Variants in PLEKHG1 observed in about 807,000 individuals in gnomAD.
The protein encoded by PLEKHG1 is pleckstrin homology and RhoGEF domain containing G1.
A neutral mutation model predicts 100.8 loss-of-function variants in PLEKHG1; 44 were observed. The ratio of observed to expected loss-of-function variants is 0.44; its 90% CI spans 0.34 to 0.56. PLEKHG1 has a LOEUF of 0.56. Among genes scored for constraint, PLEKHG1 ranks in the 20% least tolerant of loss-of-function variants. The pLI, the probability that PLEKHG1 is intolerant of heterozygous loss-of-function variation, is 0.01. For synonymous variants in PLEKHG1, 640 were observed against 662.5 expected (o/e 0.97, Z 0.52); for missense variants, 1,545 against 1,720.9 (o/e 0.90, Z 1.81).
intron 3 of PLEKHG1, among the ~76,000 whole-genome samples, chr6:150,668,954 G>A (rs1357295669): frequency 6.6e-6 from 1 of 152,124 alleles, no homozygotes; most frequent in Non-Finnish European, 1.5e-5. Flanking sequence ...GTATCTGGCC[G>A]TCATCTTTGC....
chr6:150,770,536 C>T (rs188507728), intron 3 of PLEKHG1, among the ~76,000 whole-genome samples: 2 of 152,194 alleles, frequency 1.3e-5, no homozygotes, highest in East Asian at 1.9e-4. Context: ...AATTCTGACT[C>T]GTTGGTCGAG....
At position 150,603,006 on chromosome 6, in the gene PLEKHG1, C is replaced by T. The variant is rs192646096; in HGVS notation, c.-204+2989C>T. Among the ~76,000 whole-genome samples the T allele has an allele frequency of 9.8e-3, 1,294 of 132,086 alleles. 18 individuals carry two copies. The highest frequency in any genetic ancestry group is 0.034 in the African/African-American group (1,234 of 36,392). The allele number at this position is 132,086 out of a possible 152,430, so 86.7% of individuals were successfully genotyped here. A position where few individuals can be genotyped will look rare whatever the true frequency, so the allele number is the denominator to read the frequency against. ...TGAGGCAGGAGAATGGCGTGAACCC[C>T]GGGGGGCGGAGCCTGCAGTGAGCCG... is the stretch of plus-strand genomic sequence containing the variant. On this transcript the variant is annotated intron_variant, in intron 1 of 3. Transcript: ENST00000367326.
At chr6:150,776,096 A>C (rs1784945358) in intron 3 of PLEKHG1, among the ~76,000 whole-genome samples, 1 of 152,252 alleles carries the variant, frequency 6.6e-6, no homozygotes, top group African/African-American at 2.4e-5. Flanking sequence ...CAAAGTTCGC[A>C]TCAGGGGTCA....
chr6:150,726,804 T>C lies in PLEKHG1; in HGVS notation c.-99+5604T>C, dbSNP rs193108446. ...GCCCTACCATTAAACAGGAATCAAG[T>C]TGATAGTTTAGAAAACCAAGAAGTG... On this transcript the variant is annotated intron_variant, in intron 1 of 15. Transcript: ENST00000358517. Among the ~76,000 whole-genome samples the C allele has an allele frequency of 1.1e-3, 172 of 152,324 alleles. 2 individuals are homozygous for C. The highest frequency in any genetic ancestry group is 4.2e-3 in the Admixed American group (65 of 15,302).
intron 2 of PLEKHG1, among the ~76,000 whole-genome samples, chr6:150,756,154 G>A (rs1411089391): frequency 2.7e-5 from 4 of 150,740 alleles, no homozygotes; most frequent in Non-Finnish European, 5.9e-5. Flanking sequence ...TATGACAGAA[G>A]GACATCTTCG....
At chr6:150,606,946 T>A (rs1196097086) in intron 1 of PLEKHG1, among the ~76,000 whole-genome samples, 2 of 152,058 alleles carry the variant, frequency 1.3e-5, no homozygotes, top group Admixed American at 6.6e-5. Flanking sequence ...TCCTGCACCC[T>A]GTCTGACAGG....
chr6:150,661,061 C>T (rs954050477), intron 3 of PLEKHG1, among the ~76,000 whole-genome samples: 1 of 152,046 alleles, frequency 6.6e-6, no homozygotes, highest in Non-Finnish European at 1.5e-5. Context: ...GAAACTGGAT[C>T]CCTCAGCTGA....
At chr6:150,769,584 C>CAAAAAAAAAAAAAAAAA (rs5880898) in intron 3 of PLEKHG1, among the ~76,000 whole-genome samples, 2 of 64,262 alleles carry the variant, frequency 3.1e-5, no homozygotes, top group Non-Finnish European at 3.4e-5. Flanking sequence ...GACTCCATCT[C>CAAAAAAAAAAAAAAAAA]AAAAAAAAAA....
chr6:150,830,862 G>A (rs1243766874), exon 15 of PLEKHG1: 16 of 1,614,138 alleles, frequency 9.9e-6, no homozygotes, highest in Middle Eastern at 1.7e-4. Flanking sequence ...ACTTCTAGTC[G>A]CCCTTGCAGC....
chr6:150,806,457 G>A (rs1291749651), intron 7 of PLEKHG1, among the ~76,000 whole-genome samples: 1 of 151,990 alleles, frequency 6.6e-6, no homozygotes, highest in African/African-American at 2.4e-5. Flanking sequence ...GGCCGAGGCA[G>A]GCGGATCACT....
chr6:150,745,930 G>A lies in PLEKHG1; in HGVS notation c.411+11838G>A, dbSNP rs147216348. Among the ~76,000 whole-genome samples the A allele has an allele frequency of 3.3e-3, 503 of 152,248 alleles. 5 individuals carry two copies. Among genetic ancestry groups the A allele is most frequent in the African/African-American group, 0.012 (482 of 41,544 alleles). On this transcript the variant is annotated intron_variant, in intron 2 of 15. Coordinates refer to ENST00000358517, the Ensembl canonical transcript of PLEKHG1. ...CCCTGGAGAACAAAAGGAAGCAAGA[G>A]AGGGAGAAAAAGATTAAAAGAATAG...
chr6:150,671,062 C>T (rs1779564067), intron 3 of PLEKHG1, among the ~76,000 whole-genome samples: 1 of 149,532 alleles, frequency 6.7e-6, no homozygotes, highest in African/African-American at 2.5e-5. Flanking sequence ...TAATTCACTC[C>T]TTTTTATGGT....
At chr6:150,716,000 C>T (rs1002454834) in intron 3 of PLEKHG1, among the ~76,000 whole-genome samples, 1 of 147,994 alleles carries the variant, frequency 6.8e-6, no homozygotes, top group African/African-American at 2.5e-5. Context: ...CCCAGCTACT[C>T]GGGAGGCTGA....
At chr6:150,675,688 T>C (rs1053875374) in intron 3 of PLEKHG1, among the ~76,000 whole-genome samples, 1 of 152,252 alleles carries the variant, frequency 6.6e-6, no homozygotes, top group East Asian at 1.9e-4. Flanking sequence ...GGTTTCGCCA[T>C]GTTGGCTAGG....
rs182138961 is a variant in PLEKHG1 at position 150,733,170 on chromosome 6, G to T, written c.-98-414G>T. The stretch of plus-strand genomic sequence containing the variant: ...TTAAGTTCGTTAAGAACCACTTGTG[G>T]TGCTTGTTAAAGTGATCAATTCCTG... On this transcript the variant is annotated intron_variant, in intron 1 of 15. Transcript: ENST00000358517. 5.3e-5 allele frequency among the ~76,000 whole-genome samples: 8 copies of T among 152,286 alleles called. No individual in the cohort carries two copies. In the East Asian group the frequency reaches 1.5e-3, roughly 29 times the overall value.
At chr6:150,806,725 G>A (rs1787132229) in intron 7 of PLEKHG1, among the ~76,000 whole-genome samples, 1 of 150,774 alleles carries the variant, frequency 6.6e-6, no homozygotes, top group South Asian at 2.1e-4. Context: ...CTACTTGGGA[G>A]GCTGAGGTGG....
chr6:150,822,177 A>AAAAAAAAAAAAAC lies in PLEKHG1; in HGVS notation c.1447+945_1447+946insAAAAAAAAAAACA, dbSNP rs1278144184. Among the ~76,000 whole-genome samples, 7 of 124,392 alleles carry AAAAAAAAAAAAAC rather than the reference A, an allele frequency of 5.6e-5. 1 individual carries two copies. Among genetic ancestry groups the AAAAAAAAAAAAAC allele is most frequent in the Admixed American group, 8.5e-5 (1 of 11,776 alleles). 81.6% of individuals were successfully genotyped at this position (124,392 alleles called of 152,430 possible). On this transcript the variant is annotated intron_variant, in intron 13 of 15. Coordinates refer to ENST00000358517, the Ensembl canonical transcript of PLEKHG1. Reference sequence around the variant, plus strand: ...AAAAAAAAAAAAAAAAAAAAAAAAAAAGAATAGGGCAGTTTCACAAAAACA... The same window carrying AAAAAAAAAAAAAC: ...AAAAAAAAAAAAAAAAAAAAAAAAAAAAAAAAAAAAAACAGAATAGGGCAGTTTCACAAAAACA...
chr6:150,767,633 TCTC>T (rs1365493309), intron 2 of PLEKHG1, among the ~76,000 whole-genome samples: 7 of 152,336 alleles, frequency 4.6e-5, no homozygotes, highest in Middle Eastern at 3.4e-3. Flanking sequence ...CATTTCAGCT[TCTC>T]CTTTCTCTAG....
intron 3 of PLEKHG1, among the ~76,000 whole-genome samples, chr6:150,696,248 G>A (rs1218775093): frequency 5.3e-5 from 8 of 152,158 alleles, no homozygotes; most frequent in African/African-American, 1.4e-4. Context: ...AGAGGAACTC[G>A]TCCTTAGGCC....
Sources: allele counts gnomAD v4.1 joint callset (sites outside exome capture counted in the v4.1 genomes callset), GRCh38; gene constraint gnomAD v4.1.1; transcripts MANE v1.5; gene names NCBI Gene and HGNC (gene_info 2026-07-23, HGNC 2026-07-21).